KANK4: variants seen among roughly 807,000 people sequenced by gnomAD.
The protein encoded by KANK4 is KN motif and ankyrin repeat domains 4, also known as KN motif and ankyrin repeat domain-containing protein 4.
KANK4 carries 50 observed loss-of-function variants against 80.8 expected under a neutral mutation model. That is an observed-to-expected ratio of 0.62 (90% CI 0.49 to 0.78). KANK4 has a LOEUF of 0.78. Among genes scored for constraint, KANK4 ranks in the 30% least tolerant of loss-of-function variants. KANK4 has a pLI of 0.00. For missense variants in KANK4, 1,196 were observed against 1,240.1 expected, an observed-to-expected ratio of 0.96 and a Z score of 0.53; for synonymous variants, 465 against 506.9, an observed-to-expected ratio of 0.92 and a Z score of 1.11.
intron 1 of KANK4, among the ~76,000 whole-genome samples, chr1:62,289,398 T>C (rs1672635198): frequency 6.6e-6 from 1 of 152,048 alleles, no homozygotes; most frequent in Admixed American, 6.6e-5. Flanking sequence ...GTTAGAAAAA[T>C]GTTTTTTTCA....
chr1:62,251,335 T>C (rs1243992568), intron 8 of KANK4, among the ~76,000 whole-genome samples: 1 of 152,128 alleles, frequency 6.6e-6, no homozygotes, highest in African/African-American at 2.4e-5. Context: ...TCTGCCAGCA[T>C]CCACAAAACT....
chr1:62,260,176 T>C (rs1157305715), intron 7 of KANK4, among the ~76,000 whole-genome samples: 2 of 152,176 alleles, frequency 1.3e-5, no homozygotes, highest in African/African-American at 4.8e-5. Flanking sequence ...CCCAGCGTCT[T>C]GCTTCGGCTG....
rs1671256564 is a variant in KANK4, at chr1:62,238,365, A to G, written c.2900T>C (p.Leu967Ser). ...GGTGGGTGACTTCAGAGCGATGGAC[A>G]AAGCTGTGCGGCCAGCCTACAGGAG... ...SLTDKAGRTA[L>S]SIALKSPTHM... The change falls in exon 10 of 10, where the codon TTG becomes TCG. Residue 967 changes from leucine to serine, a missense_variant. By Grantham distance (145) the Leu-to-Ser change is moderately radical. Transcript: ENST00000371153. 1 of 1,613,886 alleles carries G rather than the reference A, an allele frequency of 6.2e-7. No homozygotes were observed. The highest frequency in any genetic ancestry group is 1.7e-5 in the Admixed American group (1 of 60,002).
chr1:62,281,726 C>T lies in KANK4; in HGVS notation c.-70-92G>A, dbSNP rs759228790. On this transcript the variant is annotated intron_variant, in intron 1 of 9. Transcript: ENST00000371153. ...AGCACTAAACAAAGTAACATCCATC[C>T]CTGCCTTTCTCCCAGGGTGCCCATG... 258 of 825,060 alleles carry T rather than the reference C, an allele frequency of 3.1e-4. 1 individual carries two copies. Among genetic ancestry groups the T allele is most frequent in the Middle Eastern group, 4.5e-4 (2 of 4,468 alleles). 51.1% of individuals were successfully genotyped at this position (825,060 alleles called of 1,614,324 possible).
chr1:62,275,870 GA>G, intron 2 of KANK4, among the ~76,000 whole-genome samples: 1 of 138,916 alleles, frequency 7.2e-6, no homozygotes, highest in Non-Finnish European at 1.6e-5. Context: ...GGAAGGAAGG[GA>G]GGAAGGAAGG....
At chr1:62,279,198 G>GCGCGCGCGCGCGCA (rs1282615199) in intron 2 of KANK4, among the ~76,000 whole-genome samples, 2 of 146,180 alleles carry the variant, frequency 1.4e-5, no homozygotes, top group African/African-American at 5.1e-5. Flanking sequence ...GCTAGCGCGC[G>GCGCGCGCGCGCGCA]CACACACACA....
At chr1:62,282,210 G>C (rs1672465823) in intron 1 of KANK4, among the ~76,000 whole-genome samples, 2 of 152,138 alleles carry the variant, frequency 1.3e-5, no homozygotes, top group Admixed American at 1.3e-4. Context: ...AGTTCAACCT[G>C]GGTGGCCCGA....
chr1:62,302,415 T>G (rs1644419578), intron 1 of KANK4, among the ~76,000 whole-genome samples: 1 of 152,022 alleles, frequency 6.6e-6, no homozygotes, highest in Non-Finnish European at 1.5e-5. Flanking sequence ...TACCACTACC[T>G]TAGGAGCTAG....
chr1:62,316,025 G>A (rs892933903), intron 1 of KANK4, among the ~76,000 whole-genome samples: 2 of 152,222 alleles, frequency 1.3e-5, no homozygotes, highest in African/African-American at 4.8e-5. Context: ...TAAGAAAGGG[G>A]CCAGGCAGGC....
Position 62,274,234 on chromosome 1 carries a change from T to C in KANK4, c.870A>G (p.Pro290=), listed in dbSNP as rs144943137. ...GSPTPSPPPL[P]SPIPENELLL... ...GGAGCTCATTCTCAGGGATGGGTGATGGCAGAGGTGGCGGGCTTGGCGTAG... is the reference window on the plus strand; with the variant it reads ...GGAGCTCATTCTCAGGGATGGGTGACGGCAGAGGTGGCGGGCTTGGCGTAG... Residue 290 remains proline (P), a synonymous_variant, in exon 3 of 10, where the codon CCA becomes CCG. Coordinates refer to ENST00000371153, the MANE Select transcript of KANK4 (RefSeq NM_181712.5). 53 of 1,613,948 alleles carry C rather than the reference T, an allele frequency of 3.3e-5. No individual in the cohort carries two copies. The African/African-American group carries it at 6.7e-4, about 20-fold the overall frequency.
In KANK4 at chr1:62,274,804, T is replaced by G; in HGVS notation, c.300A>C (p.Ser100=). ...ACTGGTTTTGCTCCTGTGTCCCAAGTGATGCCTCCCTTGGCACCACGGGAG... is the reference window on the plus strand; with the variant it reads ...ACTGGTTTTGCTCCTGTGTCCCAAGGGATGCCTCCCTTGGCACCACGGGAG... ...NWSPVVPREA[S]LGTQEQNQSP... The change falls in exon 3 of 10, where the codon TCA becomes TCC. Residue 100 remains serine (S), a synonymous_variant. Coordinates refer to ENST00000371153, the MANE Select transcript of KANK4 (RefSeq NM_181712.5). The G allele has an allele frequency of 6.2e-7, 1 of 1,614,002 alleles. No individual in the cohort carries two copies. The highest frequency in any genetic ancestry group is 8.5e-7 in the Non-Finnish European group (1 of 1,179,978).
intron 2 of KANK4, 75 bp from the exon 3 acceptor site, chr1:62,275,162 T>C: frequency 8.8e-7 from 1 of 1,140,046 alleles, no homozygotes. Context: ...AGGCCTAATA[T>C]CTCTGATTTT....
chr1:62,262,068 A>G (rs576030236), intron 7 of KANK4, among the ~76,000 whole-genome samples: 27 of 152,332 alleles, frequency 1.8e-4, no homozygotes, highest in Admixed American at 3.9e-4. Context: ...TAGTCAATAA[A>G]TATCTAATGA....
intron 6 of KANK4, among the ~76,000 whole-genome samples, chr1:62,263,668 C>G (rs1339433329): frequency 6.6e-6 from 1 of 152,050 alleles, no homozygotes; most frequent in Non-Finnish European, 1.5e-5. Flanking sequence ...CTCTCCTTCC[C>G]CCTCACACAG....
chr1:62,296,929 G>T (rs1473815258), intron 1 of KANK4, among the ~76,000 whole-genome samples: 1 of 151,888 alleles, frequency 6.6e-6, no homozygotes, highest in Non-Finnish European at 1.5e-5. Flanking sequence ...AATAATACTA[G>T]TACTAGGCCA....
chr1:62,267,734 A>C (rs1672058062), intron 5 of KANK4, among the ~76,000 whole-genome samples: 1 of 151,204 alleles, frequency 6.6e-6, no homozygotes, highest in Admixed American at 6.6e-5. Context: ...CCCAAGAGGC[A>C]GAGGTTGCAG....
At chr1:62,271,040 T>C (rs974752703) in intron 4 of KANK4, among the ~76,000 whole-genome samples, 1 of 152,196 alleles carries the variant, frequency 6.6e-6, no homozygotes, top group Admixed American at 6.5e-5. Flanking sequence ...TCTAAGCCAA[T>C]AGTCTAGTTG....
intron 1 of KANK4, among the ~76,000 whole-genome samples, chr1:62,286,292 A>G (rs2149156999): frequency 6.6e-6 from 1 of 152,360 alleles, no homozygotes; most frequent in South Asian, 2.1e-4. Flanking sequence ...CGGAGCTGAT[A>G]GCTCGTGCCT....
At chr1:62,296,971 C>A (rs1210498685) in intron 1 of KANK4, among the ~76,000 whole-genome samples, 1 of 151,430 alleles carries the variant, frequency 6.6e-6, no homozygotes, top group Non-Finnish European at 1.5e-5. Flanking sequence ...AATCCCAGCA[C>A]TTTGGGAGGC....
Sources: allele counts gnomAD v4.1 joint callset (sites outside exome capture counted in the v4.1 genomes callset), GRCh38; gene constraint gnomAD v4.1.1; transcripts MANE v1.5; gene names NCBI Gene and HGNC (gene_info 2026-07-23, HGNC 2026-07-21).